LRP1B: variants seen among roughly 807,000 people sequenced by gnomAD.
LRP1B encodes the protein low-density lipoprotein receptor-related protein 1B.
In LRP1B, 217 loss-of-function variants were observed where a neutral mutation model predicts 556.6. The observed-to-expected ratio is 0.39, with a 90% CI of 0.35 to 0.44. The LOEUF (loss-of-function observed/expected upper bound fraction) is 0.44, where lower values mean the gene tolerates loss of function less well. LRP1B is among the 20% of genes least tolerant of loss of function. The pLI is 1.00. For synonymous variants in LRP1B, 2,047 were observed against 1,865.8 expected, an observed-to-expected ratio of 1.10 and a Z score of -2.50; for missense variants, 5,053 against 5,620.8, an observed-to-expected ratio of 0.90 and a Z score of 3.23.
chr2:141,412,332 A>C (rs1690882472), intron 3 of LRP1B, among the ~76,000 whole-genome samples: 1 of 152,232 alleles, frequency 6.6e-6, no homozygotes, highest in Non-Finnish European at 1.5e-5. Context: ...GAGAATTCAT[A>C]CAAATGAGCT....
intron 7 of LRP1B, among the ~76,000 whole-genome samples, chr2:141,089,090 C>A (rs139509183): frequency 6.6e-6 from 1 of 152,180 alleles, no homozygotes; most frequent in Admixed American, 6.5e-5. Context: ...AATATTCTTT[C>A]AACATCTGGG....
At chr2:140,662,040 C>A (rs922880675) in intron 41 of LRP1B, among the ~76,000 whole-genome samples, 2 of 151,444 alleles carry the variant, frequency 1.3e-5, no homozygotes, top group African/African-American at 4.9e-5. Context: ...CTCTAACGAA[C>A]AAGAATAAAG....
At chr2:141,956,145 G>A (rs576138263) in intron 1 of LRP1B, among the ~76,000 whole-genome samples, 1 of 152,178 alleles carries the variant, frequency 6.6e-6, no homozygotes, top group Admixed American at 6.5e-5. Context: ...TTTTTTTTGA[G>A]TATGCATGCC....
chr2:140,269,016 G>A (rs1202910275), intron 86 of LRP1B, among the ~76,000 whole-genome samples: 1 of 151,838 alleles, frequency 6.6e-6, no homozygotes, highest in Admixed American at 6.6e-5. Context: ...CTATTTTCTA[G>A]CAAATGTATT....
intron 1 of LRP1B, among the ~76,000 whole-genome samples, chr2:141,935,445 A>G (rs2105003349): frequency 6.6e-6 from 1 of 152,324 alleles, no homozygotes; most frequent in East Asian, 1.9e-4. Flanking sequence ...GACATTTTAA[A>G]ATTTCTTAGA....
At chr2:140,965,206 A>G (rs1696167242) in intron 18 of LRP1B, among the ~76,000 whole-genome samples, 1 of 152,164 alleles carries the variant, frequency 6.6e-6, no homozygotes, top group African/African-American at 2.4e-5. Flanking sequence ...ATCGAATTCT[A>G]ACCCCCAGGA....
At chr2:141,332,396 C>A (rs1205709311) in intron 3 of LRP1B, among the ~76,000 whole-genome samples, 8 of 150,366 alleles carry the variant, frequency 5.3e-5, no homozygotes, top group Non-Finnish European at 1.0e-4. Flanking sequence ...TTGCTATGGA[C>A]ATTTTCACCA....
chr2:141,165,964 T>G (rs1680235531), intron 7 of LRP1B, among the ~76,000 whole-genome samples: 1 of 152,008 alleles, frequency 6.6e-6, no homozygotes, highest in South Asian at 2.1e-4. Context: ...AAGCTCCTTA[T>G]AATGATGTCC....
At chr2:141,466,752 T>C (rs998059074) in intron 3 of LRP1B, among the ~76,000 whole-genome samples, 5 of 151,872 alleles carry the variant, frequency 3.3e-5, no homozygotes, top group African/African-American at 1.2e-4. Flanking sequence ...AATAAGGGAG[T>C]CTGGGACCCG....
At chr2:140,534,241 G>A in intron 46 of LRP1B, 101 bp from the exon 47 acceptor site, 1 of 1,122,692 alleles carries the variant, frequency 8.9e-7, no homozygotes, top group Non-Finnish European at 1.3e-6. Context: ...ACTGGATTAT[G>A]GATCTATAAA....
chr2:142,075,607 A>T (rs928441924), intron 1 of LRP1B, among the ~76,000 whole-genome samples: 2 of 151,976 alleles, frequency 1.3e-5, no homozygotes, highest in African/African-American at 4.8e-5. Context: ...GGCGTTTATC[A>T]GTTTAAATGA....
At chr2:140,291,962 C>T (rs1043419117) in intron 84 of LRP1B, among the ~76,000 whole-genome samples, 1 of 152,176 alleles carries the variant, frequency 6.6e-6, no homozygotes, top group Non-Finnish European at 1.5e-5. Context: ...CACATCCTCT[C>T]CAGCACCTGT....
chr2:141,430,882 C>T (rs1573937480), intron 3 of LRP1B, among the ~76,000 whole-genome samples: 1 of 151,990 alleles, frequency 6.6e-6, no homozygotes, highest in Admixed American at 6.6e-5. Flanking sequence ...GTAATCCCAG[C>T]ACTTTGGGAG....
At chr2:142,080,235 T>C (rs1705661536) in intron 1 of LRP1B, among the ~76,000 whole-genome samples, 1 of 152,190 alleles carries the variant, frequency 6.6e-6, no homozygotes. Context: ...AACTACAGTA[T>C]TAAATCTGTC....
At chr2:141,986,621 T>A (rs1171716981) in intron 1 of LRP1B, among the ~76,000 whole-genome samples, 1 of 151,996 alleles carries the variant, frequency 6.6e-6, no homozygotes, top group African/African-American at 2.4e-5. Context: ...AATTTAAAAA[T>A]CAAGTTGTTT....
chr2:141,011,658 CATT>C lies in LRP1B; in HGVS notation c.2380+1895_2380+1897del, dbSNP rs371365157. 2.7e-3 allele frequency among the ~76,000 whole-genome samples: 406 copies of C among 152,096 alleles called. 1 individual carries two copies. The highest frequency in any genetic ancestry group is 9.4e-3 in the African/African-American group (389 of 41,550). On this transcript the variant is annotated intron_variant, in intron 14 of 90. Transcript: ENST00000389484. ...CAATACATTCACTCAGTAAACAAAACATTATGGTTTCTACAATAAAAGTTGAAA... is the reference window on the plus strand; with the variant it reads ...CAATACATTCACTCAGTAAACAAAACATGGTTTCTACAATAAAAGTTGAAA...
intron 1 of LRP1B, among the ~76,000 whole-genome samples, chr2:142,116,575 A>C (rs1375614): frequency 0.55 from 83,695 of 151,848 alleles, 23,549 homozygotes; most frequent in East Asian, 0.71. Flanking sequence ...AATATGAATA[A>C]AATCTATACC....
At chr2:141,970,653 G>A (rs537974526) in intron 1 of LRP1B, among the ~76,000 whole-genome samples, 19 of 151,552 alleles carry the variant, frequency 1.3e-4, no homozygotes, top group East Asian at 3.9e-4. Context: ...TAAGCTGATC[G>A]AATCTGATAA....
In LRP1B at chr2:140,662,676, A is replaced by T. The variant is rs536729998; in HGVS notation, c.6799+37574T>A. 1.0e-3 allele frequency among the ~76,000 whole-genome samples: 153 copies of T among 152,180 alleles called. 1 individual carries two copies. Among genetic ancestry groups the T allele is most frequent in the African/African-American group, 3.5e-3 (146 of 41,536 alleles). On this transcript the variant is annotated intron_variant, in intron 41 of 90. Coordinates refer to ENST00000389484, the MANE Select transcript of LRP1B (RefSeq NM_018557.3). ...AAATAGAAAGAATTAAATAAGAATG[A>T]CTCTGAAAACTGCACAATATTCCCT...
Sources: allele counts gnomAD v4.1 joint callset (sites outside exome capture counted in the v4.1 genomes callset), GRCh38; gene constraint gnomAD v4.1.1; transcripts MANE v1.5; gene names NCBI Gene and HGNC (gene_info 2026-07-23, HGNC 2026-07-21).